CTNNA3: variants seen among roughly 807,000 people sequenced by gnomAD.
The protein encoded by CTNNA3 is catenin alpha-3.
Under a neutral mutation model 95.7 loss-of-function variants are expected in CTNNA3, and 76 were observed. The observed-to-expected ratio is 0.79, with a 90% CI of 0.66 to 0.96. The LOEUF (loss-of-function observed/expected upper bound fraction) is 0.96. Among genes scored for constraint, CTNNA3 ranks in the 40% least tolerant of loss-of-function variants. CTNNA3 has a pLI of 0.00. For synonymous variants in CTNNA3, 431 were observed against 374.4 expected, an observed-to-expected ratio of 1.15 and a Z score of -1.74; for missense variants, 1,191 against 1,089.8, an observed-to-expected ratio of 1.09 and a Z score of -1.31.
intron 15 of CTNNA3, among the ~76,000 whole-genome samples, chr10:66,001,796 A>G (rs1467064679): frequency 6.6e-6 from 1 of 152,082 alleles, no homozygotes; most frequent in Non-Finnish European, 1.5e-5. Context: ...TTAAATTCCA[A>G]AATTACAATA....
chr10:67,237,122 G>GTATACATATA (rs769498914), intron 5 of CTNNA3, among the ~76,000 whole-genome samples: 1 of 79,610 alleles, frequency 1.3e-5, no homozygotes, highest in Non-Finnish European at 2.9e-5. Context: ...AAACTATGGT[G>GTATACATATA]TATGTATATA....
chr10:67,396,841 C>A, intron 5 of CTNNA3, among the ~76,000 whole-genome samples: 1 of 151,926 alleles, frequency 6.6e-6, no homozygotes, highest in East Asian at 1.9e-4. Context: ...TGAGTGAGTT[C>A]TCACAAGAGC....
At chr10:67,755,900 T>A (rs954763190) in intron 1 of CTNNA3, among the ~76,000 whole-genome samples, 7 of 150,810 alleles carry the variant, frequency 4.6e-5, no homozygotes, top group Non-Finnish European at 1.0e-4. Context: ...CTATTCACGA[T>A]AGCCAAAATA....
intron 2 of CTNNA3, among the ~76,000 whole-genome samples, chr10:67,611,827 T>C (rs1419368612): frequency 1.3e-5 from 2 of 152,222 alleles, no homozygotes; most frequent in Non-Finnish European, 2.9e-5. Context: ...GGGCTACTTT[T>C]GCTCCCTTGA....
In CTNNA3 at chr10:67,084,630, A is replaced by G. The variant is rs148689708; in HGVS notation, c.1047+95687T>C. ...ATTCATGATCAGTCCTGCCTTTCCAATCTTACTACTTGGGTAACAGATACT... is the reference window on the plus strand; with the variant it reads ...ATTCATGATCAGTCCTGCCTTTCCAGTCTTACTACTTGGGTAACAGATACT... On this transcript the variant is annotated intron_variant, in intron 7 of 17. Transcript: ENST00000433211. Among the ~76,000 whole-genome samples, 176 of 152,018 alleles carry G rather than the reference A, an allele frequency of 1.2e-3. 2 individuals are homozygous for G. The East Asian group carries it at 0.027, about 24-fold the overall frequency.
intron 11 of CTNNA3, among the ~76,000 whole-genome samples, chr10:66,421,163 A>C (rs559884921): frequency 3.3e-5 from 5 of 151,768 alleles, no homozygotes; most frequent in African/African-American, 1.2e-4. Context: ...CAGAAAGACA[A>C]ATTATTGCAT....
chr10:67,254,355 T>C (rs942076605), intron 5 of CTNNA3, among the ~76,000 whole-genome samples: 96 of 152,318 alleles, frequency 6.3e-4, no homozygotes, highest in Admixed American at 3.9e-3. Flanking sequence ...ATGTATCAAG[T>C]GTCTGCTATA....
At chr10:67,048,969 T>A (rs1340875497) in intron 7 of CTNNA3, among the ~76,000 whole-genome samples, 1 of 152,032 alleles carries the variant, frequency 6.6e-6, no homozygotes, top group African/African-American at 2.4e-5. Flanking sequence ...TCTTAGTTAT[T>A]CCTTAATTTT....
chr10:67,289,379 T>C (rs1188154993), intron 5 of CTNNA3, among the ~76,000 whole-genome samples: 2 of 152,156 alleles, frequency 1.3e-5, no homozygotes, highest in Non-Finnish European at 2.9e-5. Context: ...ATTATCTTAG[T>C]AAATCCTCAA....
intron 9 of CTNNA3, among the ~76,000 whole-genome samples, chr10:66,650,937 G>A (rs551422004): frequency 4.6e-5 from 7 of 152,230 alleles, no homozygotes; most frequent in East Asian, 1.9e-4. Context: ...CGTTGCCACC[G>A]CTGGCTCGGG....
At chr10:67,450,532 C>T (rs560167036) in intron 5 of CTNNA3, among the ~76,000 whole-genome samples, 8 of 151,854 alleles carry the variant, frequency 5.3e-5, no homozygotes, top group South Asian at 4.2e-4. Context: ...ATGCAGAAAT[C>T]GAAAATCAAA....
chr10:65,914,677 T>G lies in CTNNA3; in HGVS notation c.*5653A>C, dbSNP rs536848827. On this transcript the variant is annotated 3_prime_UTR_variant, in exon 18 of 18. Transcript: ENST00000433211. ...CAGTAAAAGAGGAAAGGATTGGTGTTAACAAATGGTATTAACCAACCAATA... is the reference window on the plus strand; with the variant it reads ...CAGTAAAAGAGGAAAGGATTGGTGTGAACAAATGGTATTAACCAACCAATA... The G allele has an allele frequency of 6.6e-6, 1 of 152,290 alleles. No individual in the cohort carries two copies. Among genetic ancestry groups the G allele is most frequent in the South Asian group, 2.1e-4 (1 of 4,828 alleles). The allele number at this position is 152,290 out of a possible 1,614,324, so 9.4% of individuals were successfully genotyped here. A position where few individuals can be genotyped will look rare whatever the true frequency, so the allele number is the denominator to read the frequency against.
intron 13 of CTNNA3, among the ~76,000 whole-genome samples, chr10:66,134,546 A>G (rs79842721): frequency 0.044 from 6,770 of 152,230 alleles, 482 homozygotes; most frequent in African/African-American, 0.15. Context: ...AAACAAGTAT[A>G]AGAATATATA....
intron 3 of CTNNA3, among the ~76,000 whole-genome samples, chr10:67,558,880 G>A (rs1444660017): frequency 6.6e-6 from 1 of 152,180 alleles, no homozygotes. Flanking sequence ...GAGTCTCGCT[G>A]ATTGCTAGCA....
intron 7 of CTNNA3, among the ~76,000 whole-genome samples, chr10:67,143,424 T>TGAAAAAAAAAA (rs1860685984): frequency 3.2e-5 from 1 of 31,278 alleles, no homozygotes. Context: ...AGGCTCTGTC[T>TGAAAAAAAAAA]TAAAAAAAAA....
intron 10 of CTNNA3, among the ~76,000 whole-genome samples, chr10:66,587,943 C>A (rs750326263): frequency 6.6e-6 from 1 of 152,144 alleles, no homozygotes; most frequent in Admixed American, 6.5e-5. Context: ...TTCTGGCCAA[C>A]AGGGTTTATC....
At chr10:67,642,512 G>C (rs1222478324) in intron 2 of CTNNA3, among the ~76,000 whole-genome samples, 4 of 152,178 alleles carry the variant, frequency 2.6e-5, no homozygotes, top group African/African-American at 9.7e-5. Flanking sequence ...GAGGTCAGGA[G>C]TTCGAGACCA....
At chr10:66,716,480 T>C (rs1848453508) in intron 9 of CTNNA3, among the ~76,000 whole-genome samples, 1 of 152,186 alleles carries the variant, frequency 6.6e-6, no homozygotes, top group African/African-American at 2.4e-5. Context: ...CTTTGTTATC[T>C]TTTTGCTACT....
At chr10:66,083,477 T>G (rs2080849468) in intron 14 of CTNNA3, among the ~76,000 whole-genome samples, 1 of 152,202 alleles carries the variant, frequency 6.6e-6, no homozygotes, top group African/African-American at 2.4e-5. Context: ...CGCCACACAC[T>G]TTCTACCTAA....
Sources: allele counts gnomAD v4.1 joint callset (sites outside exome capture counted in the v4.1 genomes callset), GRCh38; gene constraint gnomAD v4.1.1; transcripts MANE v1.5; gene names NCBI Gene and HGNC (gene_info 2026-07-23, HGNC 2026-07-21).